The following PTPRD variants were observed in gnomAD, a reference collection of about 807,000 sequenced individuals.
PTPRD encodes the protein protein tyrosine phosphatase receptor type D.
In PTPRD, 34 loss-of-function variants were observed where a neutral mutation model predicts 214.5. That is an observed-to-expected ratio of 0.16 (90% CI 0.12 to 0.21). The LOEUF (loss-of-function observed/expected upper bound fraction) is 0.21, where lower values mean the gene tolerates loss of function less well. Ranked by LOEUF, PTPRD falls within the 10% of genes least tolerant of loss-of-function variation. PTPRD has a pLI of 1.00. For synonymous variants in PTPRD, 1,128 were observed against 845.7 expected, an observed-to-expected ratio of 1.33 and a Z score of -5.79; for missense variants, 2,545 against 2,398.7, an observed-to-expected ratio of 1.06 and a Z score of -1.27.
At chr9:8,647,588 T>TG (rs2096722291) in intron 12 of PTPRD, among the ~76,000 whole-genome samples, 1 of 152,230 alleles carries the variant, frequency 6.6e-6, no homozygotes, top group Non-Finnish European at 1.5e-5. Flanking sequence ...ACTTCAAAAC[T>TG]TTTTTGTAAT....
At chr9:10,017,743 T>A (rs1175663402) in intron 4 of PTPRD, among the ~76,000 whole-genome samples, 1 of 152,156 alleles carries the variant, frequency 6.6e-6, no homozygotes, top group African/African-American at 2.4e-5. Flanking sequence ...TCTGTATTAC[T>A]AAACCAATGA....
At chr9:10,252,719 C>T (rs748026964) in intron 3 of PTPRD, among the ~76,000 whole-genome samples, 6 of 151,968 alleles carry the variant, frequency 3.9e-5, no homozygotes, top group Non-Finnish European at 5.9e-5. Context: ...CTTAAAAAAG[C>T]CAAATTAAAT....
chr9:9,336,190 C>CTTTTTTTTTTTTTTTTTTTTTTTT (rs2044399459), intron 9 of PTPRD, among the ~76,000 whole-genome samples: 8 of 151,840 alleles, frequency 5.3e-5, no homozygotes, highest in African/African-American at 1.9e-4. Context: ...ATGTATCTTT[C>CTTTTTTTTTTTTTTTTTTTTTTTT]TAAAGCTACT....
chr9:10,344,571 G>C (rs963735077), intron 2 of PTPRD, among the ~76,000 whole-genome samples: 2 of 152,176 alleles, frequency 1.3e-5, no homozygotes, highest in African/African-American at 4.8e-5. Context: ...TGTGAAGAAA[G>C]TCTTTGGTAG....
chr9:8,927,106 C>G (rs965850234), intron 11 of PTPRD, among the ~76,000 whole-genome samples: 2 of 152,024 alleles, frequency 1.3e-5, no homozygotes, highest in African/African-American at 4.8e-5. Context: ...TTTACTAGCT[C>G]TTAAGAACAT....
chr9:8,499,578 C>A (rs183040702), intron 25 of PTPRD, 69 bp downstream of exon 25: 1 of 1,493,190 alleles, frequency 6.7e-7, no homozygotes, highest in Non-Finnish European at 9.0e-7. Flanking sequence ...AAAATAAGAG[C>A]AATTTCAGGA....
intron 7 of PTPRD, among the ~76,000 whole-genome samples, chr9:9,602,206 A>G (rs1032913764): frequency 3.9e-5 from 6 of 152,098 alleles, no homozygotes; most frequent in African/African-American, 1.4e-4. Context: ...AAACTATGTT[A>G]TCATTAAACA....
chr9:8,439,905 T>C (rs930524549), intron 34 of PTPRD, among the ~76,000 whole-genome samples: 1 of 150,736 alleles, frequency 6.6e-6, no homozygotes, highest in Non-Finnish European at 1.5e-5. Flanking sequence ...ACATCAGATT[T>C]TACACATTTA....
chr9:9,418,544 C>T (rs1408919501), intron 8 of PTPRD, among the ~76,000 whole-genome samples: 2 of 151,964 alleles, frequency 1.3e-5, no homozygotes, highest in Non-Finnish European at 2.9e-5. Flanking sequence ...CTTTTGAAAG[C>T]GACCTAGCTA....
rs533362291 is a variant in PTPRD at position 10,011,972 on chromosome 9, G to A, written c.-472+21746C>T. On this transcript the variant is annotated intron_variant, in intron 4 of 45. Transcript: ENST00000381196. ...TGGCCTTTGTATGTTCCGGAAACTC[G>A]CTTTTGTTTTGCTAATTAACTTTTT... Among the ~76,000 whole-genome samples, 30 of 151,876 alleles carry A rather than the reference G, an allele frequency of 2.0e-4. No homozygotes were observed. In the South Asian group the frequency reaches 5.6e-3, roughly 28 times the overall value.
chr9:9,826,204 T>C (rs894547448), intron 5 of PTPRD, among the ~76,000 whole-genome samples: 1 of 151,836 alleles, frequency 6.6e-6, no homozygotes, highest in African/African-American at 2.4e-5. Context: ...TTCCTTTAAC[T>C]TTTTCTTAGT....
At chr9:9,370,085 G>A (rs933163997) in intron 9 of PTPRD, among the ~76,000 whole-genome samples, 2 of 152,094 alleles carry the variant, frequency 1.3e-5, no homozygotes, top group African/African-American at 4.8e-5. Context: ...GATTGACTTG[G>A]CGATGCGGGC....
intron 11 of PTPRD, among the ~76,000 whole-genome samples, chr9:8,806,450 T>C (rs1178223072): frequency 6.6e-6 from 1 of 152,172 alleles, no homozygotes; most frequent in Non-Finnish European, 1.5e-5. Context: ...AACCTATCTC[T>C]TATCAGCAAC....
intron 39 of PTPRD, among the ~76,000 whole-genome samples, chr9:8,353,958 A>ATGTG (rs2076318697): frequency 2.0e-5 from 2 of 99,052 alleles, no homozygotes; most frequent in Admixed American, 1.1e-4. Flanking sequence ...ATATATATAT[A>ATGTG]TATATGTTTT....
In PTPRD at chr9:8,353,846, A is replaced by G. The variant is rs865876934; in HGVS notation, c.4662-11868T>C. ...TATGTATATATGTATATATGTATAT[A>G]TGTATATATGTGTATATATGTATAT... On this transcript the variant is annotated intron_variant, in intron 39 of 45. Transcript: ENST00000381196. Among the ~76,000 whole-genome samples, 167 of 126,324 alleles carry G rather than the reference A, an allele frequency of 1.3e-3. 1 individual carries two copies. Among genetic ancestry groups the G allele is most frequent in the African/African-American group, 6.0e-3 (154 of 25,670 alleles). The allele number at this position is 126,324 out of a possible 152,430, so 82.9% of individuals were successfully genotyped here. A position where few individuals can be genotyped will look rare whatever the true frequency, so the allele number is the denominator to read the frequency against.
chr9:9,468,784 A>G (rs1333467826), intron 8 of PTPRD, among the ~76,000 whole-genome samples: 1 of 152,228 alleles, frequency 6.6e-6, no homozygotes, highest in South Asian at 2.1e-4. Flanking sequence ...ATTAAATTAT[A>G]ATTTTATTTT....
At chr9:8,390,098 T>C (rs1047390858) in intron 36 of PTPRD, among the ~76,000 whole-genome samples, 1 of 152,182 alleles carries the variant, frequency 6.6e-6, no homozygotes. Context: ...ACCTCCTGGA[T>C]TAGGACAGCT....
At chr9:9,237,584 C>T (rs557908529) in intron 9 of PTPRD, among the ~76,000 whole-genome samples, 25 of 152,246 alleles carry the variant, frequency 1.6e-4, no homozygotes, top group African/African-American at 6.0e-4. Flanking sequence ...TCCCCCAAAG[C>T]CAGGAATATT....
At chr9:8,818,556 A>C (rs1192322302) in intron 11 of PTPRD, among the ~76,000 whole-genome samples, 1 of 152,196 alleles carries the variant, frequency 6.6e-6, no homozygotes, top group Non-Finnish European at 1.5e-5. Context: ...TTACAGATTA[A>C]AACACTGAGA....
Sources: gnomAD v4.1 joint callset for allele counts (sites outside exome capture counted in the v4.1 genomes callset) on GRCh38, gnomAD v4.1.1 for gene constraint, MANE v1.5 for transcripts, NCBI Gene and HGNC (gene_info 2026-07-23, HGNC 2026-07-21) for gene names.